LRPPRC: variants seen among roughly 807,000 people sequenced by gnomAD.
LRPPRC encodes the protein leucine-rich PPR motif-containing protein, mitochondrial.
Under a neutral mutation model 180.3 loss-of-function variants are expected in LRPPRC, and 120 were observed. The ratio of observed to expected loss-of-function variants is 0.67; its 90% CI spans 0.57 to 0.77. LRPPRC has a LOEUF of 0.77. Among genes scored for constraint, LRPPRC ranks in the 30% least tolerant of loss-of-function variants. The pLI is 0.00. For missense variants in LRPPRC, 2,012 were observed against 1,657.2 expected, an observed-to-expected ratio of 1.21 and a Z score of -3.72; for synonymous variants, 723 against 600.0, an observed-to-expected ratio of 1.21 and a Z score of -3.00.
intron 29 of LRPPRC, among the ~76,000 whole-genome samples, chr2:43,915,018 GC>G (rs1455820506): frequency 1.2e-4 from 16 of 137,490 alleles, no homozygotes; most frequent in Non-Finnish European, 4.6e-5. Flanking sequence ...CACCAGCCTG[GC>G]CAACATGGTG....
rs985099693 is a variant in LRPPRC at position 43,980,407 on chromosome 2, G to C, written c.347-459C>G. 2.0e-5 allele frequency among the ~76,000 whole-genome samples: 3 copies of C among 152,008 alleles called. No individual in the cohort carries two copies. In the East Asian group the frequency reaches 5.8e-4, roughly 29 times the overall value. On this transcript the variant is annotated intron_variant, in intron 2 of 37. Transcript: ENST00000260665. The stretch of plus-strand genomic sequence containing the variant: ...TGTCTCTACTAAAAATATAAAATTA[G>C]CTGGGCGAGATGGCGCATGCCTGTA...
chr2:43,888,571 T>C lies in LRPPRC; in HGVS notation c.*29A>G, dbSNP rs761484235. ...ACATGTAGACACAGAATCACAAATA[T>C]ATACAAAACAAAGTATCGCCTGGTT... On this transcript the variant is annotated 3_prime_UTR_variant, in exon 38 of 38. Transcript: ENST00000260665. 1.7e-5 allele frequency: 23 copies of C among 1,367,074 alleles called. 1 individual carries two copies. Among genetic ancestry groups the C allele is most frequent in the East Asian group, 2.3e-5 (1 of 43,716 alleles). 84.7% of individuals were successfully genotyped at this position (1,367,074 alleles called of 1,614,324 possible).
At chr2:43,963,770 A>G in intron 11 of LRPPRC, 64 bp from the exon 12 acceptor site, 1 of 889,588 alleles carries the variant, frequency 1.1e-6, no homozygotes, top group African/African-American at 1.6e-5. Flanking sequence ...AAAGATCGGT[A>G]AGTTCAGTTC....
intron 36 of LRPPRC, among the ~76,000 whole-genome samples, chr2:43,893,475 T>C (rs773772626): frequency 3.3e-5 from 5 of 152,220 alleles, no homozygotes; most frequent in Non-Finnish European, 7.3e-5. Context: ...GCCATCAACA[T>C]TGAGCCAAGA....
At chr2:43,956,392 A>G (rs1193573591) in intron 14 of LRPPRC, among the ~76,000 whole-genome samples, 1 of 152,154 alleles carries the variant, frequency 6.6e-6, no homozygotes, top group East Asian at 1.9e-4. Context: ...TTTAGAGATG[A>G]TGACTTTATT....
At position 43,971,462 on chromosome 2, in the gene LRPPRC, G is replaced by A. The variant is rs1433766841; in HGVS notation, c.1369+2145C>T. ...TATTATACAGGGCACATGCCCTCAG[G>A]ACCTCCTGAGGCTGTGTCACAGTAA... On this transcript the variant is annotated intron_variant, in intron 11 of 37. Transcript: ENST00000260665. Among the ~76,000 whole-genome samples, 33 of 117,568 alleles carry A rather than the reference G, an allele frequency of 2.8e-4. No individual in the cohort carries two copies. In the Admixed American group the frequency reaches 3.1e-3, roughly 11 times the overall value. 77.1% of individuals were successfully genotyped at this position (117,568 alleles called of 152,430 possible). A position where few individuals can be genotyped will look rare whatever the true frequency, so the allele number is the denominator to read the frequency against.
At chr2:43,953,347 A>G (rs1163929013) in intron 14 of LRPPRC, among the ~76,000 whole-genome samples, 2 of 152,240 alleles carry the variant, frequency 1.3e-5, no homozygotes, top group South Asian at 2.1e-4. Context: ...TTTATCTACA[A>G]TAAGAAAAAT....
At chr2:43,973,925 A>G (rs1673933659) in intron 9 of LRPPRC, 25 bp from the exon 10 acceptor site, 1 of 1,400,406 alleles carries the variant, frequency 7.1e-7, no homozygotes, top group Non-Finnish European at 1.0e-6. Context: ...TCACCACATT[A>G]GCTGGATTGG....
At chr2:43,972,008 C>A (rs1172477522) in intron 11 of LRPPRC, among the ~76,000 whole-genome samples, 1 of 152,028 alleles carries the variant, frequency 6.6e-6, no homozygotes, top group South Asian at 2.1e-4. Context: ...CAATGTTATT[C>A]GTGTAAAAAC....
At chr2:43,922,828 G>T (rs1173335599) in intron 27 of LRPPRC, among the ~76,000 whole-genome samples, 1 of 152,190 alleles carries the variant, frequency 6.6e-6, no homozygotes, top group Non-Finnish European at 1.5e-5. Flanking sequence ...GCAAAATGCA[G>T]AAGGGGATAG....
intron 15 of LRPPRC, among the ~76,000 whole-genome samples, chr2:43,950,265 G>C (rs1196657285): frequency 6.6e-6 from 1 of 151,848 alleles, no homozygotes; most frequent in Non-Finnish European, 1.5e-5. Flanking sequence ...AGGATGTGCA[G>C]GTTTGTTACA....
At position 43,912,678 on chromosome 2, in the gene LRPPRC, C is replaced by G. The variant is rs1205885561; in HGVS notation, c.3149-120G>C. On this transcript the variant is annotated intron_variant, in intron 29 of 37. Transcript: ENST00000260665. Reference sequence around the variant, plus strand: ...ATTTTTGCTTTTTAATACCAACCCACTGTTACCACTCTATAGAGAGACACA... The same window carrying G: ...ATTTTTGCTTTTTAATACCAACCCAGTGTTACCACTCTATAGAGAGACACA... 4 of 704,102 alleles carry G rather than the reference C, an allele frequency of 5.7e-6. No individual in the cohort carries two copies. The Admixed American group carries it at 8.5e-5, about 15-fold the overall frequency. The allele number at this position is 704,102 out of a possible 1,614,324, so 43.6% of individuals were successfully genotyped here.
rs1672020236 is a variant in LRPPRC at position 43,929,817 on chromosome 2, A to G, written c.2737-3856T>C. ...AGGAAAATATGGCTGAGCAAGTCCAATTAACAAACTATCATGAACTAAAAA... is the reference window on the plus strand; with the variant it reads ...AGGAAAATATGGCTGAGCAAGTCCAGTTAACAAACTATCATGAACTAAAAA... On this transcript the variant is annotated intron_variant, in intron 25 of 37. Coordinates refer to ENST00000260665, the MANE Select transcript of LRPPRC (RefSeq NM_133259.4). 2.6e-5 allele frequency among the ~76,000 whole-genome samples: 4 copies of G among 152,158 alleles called. No individual in the cohort carries two copies. In the South Asian group the frequency reaches 8.3e-4, roughly 31 times the overall value.
At position 43,963,572 on chromosome 2, in the gene LRPPRC, C is replaced by T. The variant is rs200299073; in HGVS notation, c.1488+16G>A. 9.0e-4 allele frequency: 1,275 copies of T among 1,412,624 alleles called. 32 individuals are homozygous for T. Among genetic ancestry groups the T allele is most frequent in the Non-Finnish European group, 1.6e-4 (162 of 996,730 alleles). 87.5% of individuals were successfully genotyped at this position (1,412,624 alleles called of 1,614,324 possible). A position where few individuals can be genotyped will look rare whatever the true frequency, so the allele number is the denominator to read the frequency against. On this transcript the variant is annotated intron_variant, in intron 12 of 37. Coordinates refer to ENST00000260665, the MANE Select transcript of LRPPRC (RefSeq NM_133259.4). ...ATCCTCTTCAATTATTAAATTAAAA[C>T]CACACTTGTACTCACCTGCAAAATG...
chr2:43,895,977 C>G (rs1670665122), intron 35 of LRPPRC, among the ~76,000 whole-genome samples: 1 of 152,046 alleles, frequency 6.6e-6, no homozygotes, highest in South Asian at 2.1e-4. Flanking sequence ...CCACCCACCC[C>G]TTTTACAGTG....
At chr2:43,930,780 T>A in intron 25 of LRPPRC, among the ~76,000 whole-genome samples, 1 of 152,286 alleles carries the variant, frequency 6.6e-6, no homozygotes, top group East Asian at 1.9e-4. Context: ...TCCTTTATGG[T>A]TCCTGGTAGC....
intron 25 of LRPPRC, among the ~76,000 whole-genome samples, chr2:43,932,882 A>G (rs562118480): frequency 3.7e-4 from 57 of 152,276 alleles, no homozygotes; most frequent in African/African-American, 1.3e-3. Context: ...ACACCTTACT[A>G]CACAAAGACA....
At chr2:43,994,390 T>C (rs1475047739) in intron 1 of LRPPRC, among the ~76,000 whole-genome samples, 4 of 152,204 alleles carry the variant, frequency 2.6e-5, no homozygotes, top group African/African-American at 7.2e-5. Flanking sequence ...ACCGTAGATA[T>C]TATGACTCCT....
chr2:43,916,949 G>GA (rs528660807), intron 29 of LRPPRC, among the ~76,000 whole-genome samples: 50,076 of 115,086 alleles, frequency 0.44, 11,619 homozygotes, highest in East Asian at 0.86. Context: ...GTCTCCGGGG[G>GA]GAAAAAAAAA....
Sources: allele counts gnomAD v4.1 joint callset (sites outside exome capture counted in the v4.1 genomes callset), GRCh38; gene constraint gnomAD v4.1.1; transcripts MANE v1.5; gene names NCBI Gene and HGNC (gene_info 2026-07-23, HGNC 2026-07-21).